Variants in DDAH1 observed in about 807,000 individuals in gnomAD.
DDAH1 encodes N(G),N(G)-dimethylarginine dimethylaminohydrolase 1.
A neutral mutation model predicts 28.8 loss-of-function variants in DDAH1; 19 were observed. The ratio of observed to expected loss-of-function variants is 0.66; its 90% CI spans 0.46 to 0.97. DDAH1 has a LOEUF of 0.97. Among genes scored for constraint, DDAH1 ranks in the 50% least tolerant of loss-of-function variants. The probability of loss-of-function intolerance (pLI) is 0.00; values close to 1 mark genes in which losing one functional copy is unlikely to be tolerated. For missense variants in DDAH1, 326 were observed against 375.9 expected (o/e 0.87, Z 1.10); for synonymous variants, 153 against 154.4 (o/e 0.99, Z 0.07).
At chr1:85,528,214 G>GAAAA (rs1657939686) in intron 1 of DDAH1, among the ~76,000 whole-genome samples, 2 of 147,534 alleles carry the variant, frequency 1.4e-5, no homozygotes, top group African/African-American at 5.0e-5. Context: ...ATGTATATGT[G>GAAAA]TGTAAATGTA....
At chr1:85,475,894 C>T (rs1246874483) in intron 2 of DDAH1, among the ~76,000 whole-genome samples, 1 of 152,176 alleles carries the variant, frequency 6.6e-6, no homozygotes, top group Admixed American at 6.5e-5. Flanking sequence ...CTCTGTAACC[C>T]AGGCTGGAGT....
intron 1 of DDAH1, among the ~76,000 whole-genome samples, chr1:85,405,912 C>T (rs1473888480): frequency 1.3e-5 from 2 of 152,178 alleles, no homozygotes; most frequent in Admixed American, 6.5e-5. Context: ...AAACCTAACA[C>T]TTATGTTGCC....
chr1:85,477,731 A>G (rs1655852101), intron 2 of DDAH1, among the ~76,000 whole-genome samples: 1 of 151,980 alleles, frequency 6.6e-6, no homozygotes, highest in African/African-American at 2.4e-5. Context: ...CTAGAAGAAA[A>G]TGGTAATTTG....
Position 85,321,384 on chromosome 1 carries a change from A to G in DDAH1, c.*68T>C. On this transcript the variant is annotated 3_prime_UTR_variant, in exon 6 of 6. Transcript: ENST00000284031. ...ACAGTAGATTGTCAAGGAAAACAAC[A>G]GGAGTGGGCACAGAGTCATCGGCCT... 1 of 961,110 alleles carries G rather than the reference A, an allele frequency of 1.0e-6. No homozygotes were observed. Among genetic ancestry groups the G allele is most frequent in the South Asian group, 1.3e-5 (1 of 74,234 alleles). 59.5% of individuals were successfully genotyped at this position (961,110 alleles called of 1,614,324 possible). A position where few individuals can be genotyped will look rare whatever the true frequency, so the allele number is the denominator to read the frequency against.
chr1:85,370,760 G>A (rs1650338887), intron 1 of DDAH1, among the ~76,000 whole-genome samples: 1 of 152,100 alleles, frequency 6.6e-6, no homozygotes, highest in South Asian at 2.1e-4. Context: ...TTTGTCTTGA[G>A]CAATTGAGTG....
chr1:85,351,539 T>C lies in DDAH1; in HGVS notation c.444A>G (p.Gln148=), dbSNP rs767798766. 4 of 1,614,136 alleles carry C rather than the reference T, an allele frequency of 2.5e-6. No homozygotes were observed. The South Asian group carries it at 4.4e-5, about 18-fold the overall frequency. ...FFVGLSKRTN[Q]RGAEILADTF... is the part of the protein sequence containing the mutation. ...TATCAGCCAAGATTTCAGCACCTCG[T>C]TGATTTGTCCTTTTGGAAAGGCCCA... is the stretch of plus-strand genomic sequence containing the variant. The change falls in exon 3 of 6, where the codon CAA becomes CAG. Residue 148 remains glutamine, a synonymous_variant. Coordinates refer to ENST00000284031, the MANE Select transcript of DDAH1 (RefSeq NM_012137.4).
At chr1:85,554,276 GTTTT>G (rs368410411) in intron 1 of DDAH1, among the ~76,000 whole-genome samples, 4 of 110,726 alleles carry the variant, frequency 3.6e-5, no homozygotes, top group African/African-American at 7.2e-5. Context: ...AATTGTAAGA[GTTTT>G]TTTTTTTTTT....
intron 1 of DDAH1, among the ~76,000 whole-genome samples, chr1:85,440,187 TAAAAAG>T: frequency 6.6e-6 from 1 of 152,190 alleles, no homozygotes; most frequent in East Asian, 1.9e-4. Flanking sequence ...TTAAACAGCA[TAAAAAG>T]AAAAACAAAA....
At chr1:85,351,986 A>C (rs1208379736) in intron 2 of DDAH1, among the ~76,000 whole-genome samples, 3 of 152,226 alleles carry the variant, frequency 2.0e-5, no homozygotes, top group African/African-American at 4.8e-5. Flanking sequence ...TTTTACTACA[A>C]TAGGAATGAA....
At chr1:85,491,043 A>C (rs1656381763) in intron 2 of DDAH1, among the ~76,000 whole-genome samples, 3 of 79,334 alleles carry the variant, frequency 3.8e-5, no homozygotes, top group East Asian at 3.1e-4. Context: ...AGTAACATGT[A>C]TTCTTTTTTT....
At chr1:85,460,295 T>C (rs1523991) in intron 1 of DDAH1, among the ~76,000 whole-genome samples, 1 of 151,932 alleles carries the variant, frequency 6.6e-6, no homozygotes, top group Admixed American at 6.5e-5. Context: ...AAGGGGAACA[T>C]CTATCCAAAT....
intron 2 of DDAH1, among the ~76,000 whole-genome samples, chr1:85,484,410 AG>A (rs755097938): frequency 5.9e-5 from 9 of 152,148 alleles, no homozygotes; most frequent in Non-Finnish European, 1.3e-4. Context: ...AAGCGGTTTT[AG>A]GGGGAAAAAT....
intron 4 of DDAH1, among the ~76,000 whole-genome samples, chr1:85,337,584 G>T (rs1434529070): frequency 1.3e-5 from 2 of 151,830 alleles, no homozygotes. Flanking sequence ...CTCCCGAGTA[G>T]CTGGGACTAC....
At chr1:85,368,360 A>G (rs1650186028) in intron 1 of DDAH1, among the ~76,000 whole-genome samples, 3 of 152,180 alleles carry the variant, frequency 2.0e-5, no homozygotes, top group Non-Finnish European at 4.4e-5. Flanking sequence ...TCTGGACAAA[A>G]CTAGGAAAGA....
chr1:85,386,762 T>C (rs1651283968), intron 1 of DDAH1, among the ~76,000 whole-genome samples: 1 of 152,150 alleles, frequency 6.6e-6, no homozygotes, highest in African/African-American at 2.4e-5. Context: ...AGAGGTTCTC[T>C]GTGGGGGCTC....
intron 2 of DDAH1, chr1:85,495,050 G>C (rs1426606142): frequency 6.6e-6 from 1 of 152,202 alleles, no homozygotes; most frequent in African/African-American, 2.4e-5. Flanking sequence ...TTCCAGCAGA[G>C]GGCAGGCGGG....
intron 2 of DDAH1, among the ~76,000 whole-genome samples, chr1:85,353,421 C>G (rs1649332192): frequency 6.6e-6 from 1 of 152,010 alleles, no homozygotes; most frequent in Non-Finnish European, 1.5e-5. Flanking sequence ...TCATAATGTC[C>G]TTATTAAACG....
intron 4 of DDAH1, among the ~76,000 whole-genome samples, chr1:85,347,860 T>C (rs1370279018): frequency 6.6e-6 from 1 of 152,208 alleles, no homozygotes; most frequent in Non-Finnish European, 1.5e-5. Flanking sequence ...GCTGAGTTCA[T>C]GCAAACCTGA....
chr1:85,325,358 C>CGA (rs1271423436), intron 4 of DDAH1, among the ~76,000 whole-genome samples: 2 of 151,458 alleles, frequency 1.3e-5, no homozygotes, highest in Non-Finnish European at 2.9e-5. Context: ...CGTGCGTGCG[C>CGA]GCGCGCGCGC....
Sources: allele counts gnomAD v4.1 joint callset (sites outside exome capture counted in the v4.1 genomes callset), GRCh38; gene constraint gnomAD v4.1.1; transcripts MANE v1.5; gene names NCBI Gene and HGNC (gene_info 2026-07-23, HGNC 2026-07-21).